Variants in ERLIN1 observed in about 807,000 individuals in gnomAD.
ERLIN1 encodes erlin-1.
ERLIN1 carries 24 observed loss-of-function variants against 46.9 expected under a neutral mutation model. The observed-to-expected ratio is 0.51, with a 90% CI of 0.37 to 0.72. The LOEUF (loss-of-function observed/expected upper bound fraction) is 0.72, where lower values mean the gene tolerates loss of function less well. ERLIN1 is among the 30% of genes least tolerant of loss of function. ERLIN1 has a pLI of 0.00. For missense variants in ERLIN1, 293 were observed against 417.9 expected (o/e 0.70, Z 2.61); for synonymous variants, 158 against 143.2 (o/e 1.10, Z -0.74).
chr10:100,167,532 T>A, intron 6 of ERLIN1, 126 bp from the exon 7 acceptor site: 1 of 703,486 alleles, frequency 1.4e-6, no homozygotes, highest in Non-Finnish European at 2.4e-6. Flanking sequence ...AGCGGCCTAC[T>A]AACACGTTTG....
At position 100,167,374 on chromosome 10, in the gene ERLIN1, T is replaced by G; in HGVS notation, c.537A>C (p.Glu179Asp). The change falls in exon 7 of 11, where the codon GAA (glutamate) becomes GAC (aspartate). Residue 179 changes from glutamate (E) to aspartate (D), a missense_variant. Around this residue, in one of 3 missense-constraint regions of ERLIN1, gnomAD observed 148 missense variants for 266.5 expected, o/e 0.56. Transcript: ENST00000421367. ...AVRVTKPKIPEAIRRNFELME... is the reference protein window; with the variant it reads ...AVRVTKPKIPDAIRRNFELME... ...TTAACTCAAAATTTCTTCTTATGGC[T>G]TCTGGGATTTTGGGTTTTGTAACAC... 6.2e-7 allele frequency: 1 copy of G among 1,613,602 alleles called. No homozygotes were observed. Among genetic ancestry groups the G allele is most frequent in the Non-Finnish European group, 8.5e-7 (1 of 1,179,656 alleles).
chr10:100,178,989 G>GT (rs1844476177), intron 3 of ERLIN1, among the ~76,000 whole-genome samples: 1 of 152,146 alleles, frequency 6.6e-6, no homozygotes, highest in Non-Finnish European at 1.5e-5. Context: ...TAAAACTCCA[G>GT]TTTTTTCCAA....
At chr10:100,185,452 T>A in intron 1 of ERLIN1, 62 bp downstream of exon 1, 1 of 1,289,622 alleles carries the variant, frequency 7.8e-7, no homozygotes, top group Non-Finnish European at 1.1e-6. Context: ...CTTCCCAGAC[T>A]CCACTCTGGA....
At chr10:100,176,783 G>A (rs1844333030) in intron 4 of ERLIN1, among the ~76,000 whole-genome samples, 1 of 152,124 alleles carries the variant, frequency 6.6e-6, no homozygotes, top group Non-Finnish European at 1.5e-5. Context: ...TCAGATCCAA[G>A]AATTTGCTCC....
At position 100,185,500 on chromosome 10, in the gene ERLIN1, C is replaced by A. The variant is rs201971582; in HGVS notation, c.113+14G>T. On this transcript the variant is annotated intron_variant, in intron 1 of 10. Coordinates refer to ENST00000421367, the MANE Select transcript of ERLIN1 (RefSeq NM_006459.4). ...TCTGCTCTAGAGCCCTAACTGACTG[C>A]ACATGCCGCTCACCTGTAGTACACA... The A allele has an allele frequency of 8.2e-5, 130 of 1,587,054 alleles. No individual in the cohort carries two copies. The highest frequency in any genetic ancestry group is 1.0e-4 in the Non-Finnish European group (117 of 1,155,572).
Position 100,161,467 on chromosome 10 carries a change from A to G in ERLIN1, c.655+2537T>C, listed in dbSNP as rs533477921. On this transcript the variant is annotated intron_variant, in intron 8 of 10. Transcript: ENST00000421367. ...TGGAGAAACAGATTTATAAGACTCAATATCATAATTTTCTCCAAATTGATG... is the reference window on the plus strand; with the variant it reads ...TGGAGAAACAGATTTATAAGACTCAGTATCATAATTTTCTCCAAATTGATG... 1.5e-3 allele frequency among the ~76,000 whole-genome samples: 229 copies of G among 152,312 alleles called. 1 individual carries two copies. Among genetic ancestry groups the G allele is most frequent in the Middle Eastern group, 6.8e-3 (2 of 294 alleles).
At chr10:100,179,645 T>C (rs990754328) in intron 2 of ERLIN1, among the ~76,000 whole-genome samples, 2 of 152,094 alleles carry the variant, frequency 1.3e-5, no homozygotes, top group Non-Finnish European at 2.9e-5. Flanking sequence ...TTAGTAAAGA[T>C]GAGGTTTCAC....
chr10:100,164,885 C>T (rs1277659552), intron 7 of ERLIN1, among the ~76,000 whole-genome samples: 1 of 151,456 alleles, frequency 6.6e-6, no homozygotes, highest in African/African-American at 2.4e-5. Flanking sequence ...AAAAAACTAA[C>T]CACTATACCA....
chr10:100,158,469 G>T (rs781553109), intron 8 of ERLIN1, among the ~76,000 whole-genome samples: 6 of 151,384 alleles, frequency 4.0e-5, no homozygotes, highest in Non-Finnish European at 8.8e-5. Flanking sequence ...ACCATTCAAG[G>T]ATAAAATAAA....
At chr10:100,181,242 T>C (rs1382637399) in intron 2 of ERLIN1, among the ~76,000 whole-genome samples, 1 of 152,244 alleles carries the variant, frequency 6.6e-6, no homozygotes, top group Non-Finnish European at 1.5e-5. Context: ...TGTACTTTTA[T>C]ATTTCTTTTA....
chr10:100,162,301 TAACA>T (rs1218200267), intron 8 of ERLIN1, among the ~76,000 whole-genome samples: 4 of 152,186 alleles, frequency 2.6e-5, no homozygotes, highest in African/African-American at 9.7e-5. Flanking sequence ...TCAACTTTAC[TAACA>T]ATCAGGGAAA....
At chr10:100,156,872 A>C (rs1217934411) in intron 8 of ERLIN1, among the ~76,000 whole-genome samples, 1 of 152,114 alleles carries the variant, frequency 6.6e-6, no homozygotes, top group African/African-American at 2.4e-5. Flanking sequence ...AAAATTAGCC[A>C]AGCATGATGG....
At chr10:100,160,350 A>C (rs948246229) in intron 8 of ERLIN1, among the ~76,000 whole-genome samples, 1 of 152,144 alleles carries the variant, frequency 6.6e-6, no homozygotes, top group Non-Finnish European at 1.5e-5. Context: ...TACAGATCTG[A>C]TACATAATGA....
chr10:100,159,587 T>A (rs970121985), intron 8 of ERLIN1, among the ~76,000 whole-genome samples: 1 of 152,004 alleles, frequency 6.6e-6, no homozygotes, highest in Non-Finnish European at 1.5e-5. Flanking sequence ...CTGACTACAA[T>A]GTAGTAACAC....
At position 100,185,759 on chromosome 10, in the gene ERLIN1, C is replaced by T; in HGVS notation, c.-133G>A. 1.5e-6 allele frequency: 1 copy of T among 680,930 alleles called. No homozygotes were observed. Among genetic ancestry groups the T allele is most frequent in the East Asian group, 2.7e-5 (1 of 37,210 alleles). The allele number at this position is 680,930 out of a possible 1,614,324, so 42.2% of individuals were successfully genotyped here. ...AGGCTGAGCCGGGGAGTCCAGTACC[C>T]CTGTCCCCTCATTCTTCCCTTCTGG... On this transcript the variant is annotated 5_prime_UTR_variant, in exon 1 of 11. Transcript: ENST00000421367.
intron 8 of ERLIN1, among the ~76,000 whole-genome samples, chr10:100,162,198 C>T (rs1270529017): frequency 6.6e-6 from 1 of 151,932 alleles, no homozygotes; most frequent in African/African-American, 2.4e-5. Context: ...CAAATCAACT[C>T]AAAAAAGCAA....
chr10:100,153,121 T>G (rs527448392), intron 10 of ERLIN1, among the ~76,000 whole-genome samples: 1 of 152,356 alleles, frequency 6.6e-6, no homozygotes, highest in African/African-American at 2.4e-5. Context: ...CTGCTTTTCT[T>G]GAACAAATTC....
chr10:100,174,666 A>C (rs1407779321), intron 5 of ERLIN1, among the ~76,000 whole-genome samples: 2 of 152,198 alleles, frequency 1.3e-5, no homozygotes, highest in African/African-American at 4.8e-5. Flanking sequence ...CAGGGCTCTT[A>C]CTCAATATGT....
At chr10:100,178,374 T>G (rs1844438457) in intron 3 of ERLIN1, among the ~76,000 whole-genome samples, 180 bp from the exon 4 acceptor site, 3 of 152,262 alleles carry the variant, frequency 2.0e-5, no homozygotes, top group Admixed American at 1.3e-4. Flanking sequence ...TTTTTTACAC[T>G]TGTAATAGTC....
Sources: allele counts gnomAD v4.1 joint callset (sites outside exome capture counted in the v4.1 genomes callset), GRCh38; gene constraint gnomAD v4.1.1; regional missense constraint gnomAD v4.1.1; transcripts MANE v1.5; gene names NCBI Gene and HGNC (gene_info 2026-07-23, HGNC 2026-07-21).